ADGRV1: variants seen among roughly 807,000 people sequenced by gnomAD.
ADGRV1 encodes the protein adhesion G protein-coupled receptor V1, also known as G-protein coupled receptor 98.
Under a neutral mutation model 596.2 loss-of-function variants are expected in ADGRV1, and 359 were observed. That is an observed-to-expected ratio of 0.60 (90% CI 0.55 to 0.66). The LOEUF (loss-of-function observed/expected upper bound fraction) is 0.66. Among genes scored for constraint, ADGRV1 ranks in the 30% least tolerant of loss-of-function variants. The pLI, the probability that ADGRV1 is intolerant of heterozygous loss-of-function variation, is 0.00. For missense variants in ADGRV1, 7,274 were observed against 7,575.6 expected (o/e 0.96, Z 1.48); for synonymous variants, 2,681 against 2,679.2 (o/e 1.00, Z -0.02).
intron 84 of ADGRV1, among the ~76,000 whole-genome samples, chr5:90,974,831 A>C (rs1160150801): frequency 6.6e-6 from 1 of 152,246 alleles, no homozygotes; most frequent in Non-Finnish European, 1.5e-5. Context: ...AATGGCAACC[A>C]AAGCCGAAAT....
chr5:90,619,138 T>C lies in ADGRV1; in HGVS notation c.410T>C (p.Ile137Thr). The change falls in exon 4 of 90, where the codon ATA becomes ACA. Residue 137 changes from isoleucine to threonine, a missense_variant. By Grantham distance (89) the Ile-to-Thr change is moderately conservative (BLOSUM62 -1). Coordinates refer to ENST00000405460, the MANE Select transcript of ADGRV1 (RefSeq NM_032119.4). ...LGWPRTVTVT[I>T]LSNDNAFGII... is the part of the protein sequence containing the mutation. ...TGGCCAAGGACTGTTACTGTGACAA[T>C]ATTATCAAATGACAATGCATTTGGA... 6 of 1,506,842 alleles carry C rather than the reference T, an allele frequency of 4.0e-6. No individual in the cohort carries two copies. Among genetic ancestry groups the C allele is most frequent in the Non-Finnish European group, 5.3e-6 (6 of 1,123,268 alleles). 93.3% of individuals were successfully genotyped at this position (1,506,842 alleles called of 1,614,324 possible).
chr5:90,913,417 A>G (rs1185387634), intron 83 of ADGRV1, among the ~76,000 whole-genome samples: 1 of 152,178 alleles, frequency 6.6e-6, no homozygotes, highest in Non-Finnish European at 1.5e-5. Flanking sequence ...GGGAAGTCTT[A>G]TTTTTATAAT....
At chr5:90,670,725 C>T (rs1044401793) in intron 21 of ADGRV1, among the ~76,000 whole-genome samples, 3 of 152,114 alleles carry the variant, frequency 2.0e-5, no homozygotes, top group Non-Finnish European at 4.4e-5. Flanking sequence ...AATGTCCAAA[C>T]AGCAAGCAGC....
intron 48 of ADGRV1, 36 bp from the exon 49 acceptor site, chr5:90,728,633 G>T: frequency 6.4e-7 from 1 of 1,562,860 alleles, no homozygotes; most frequent in Non-Finnish European, 8.7e-7. Context: ...TAAATTCCTA[G>T]TCATAAAGGG....
intron 11 of ADGRV1, 90 bp downstream of exon 11, chr5:90,638,038 A>G (rs1554067583): frequency 2.2e-6 from 2 of 917,838 alleles, no homozygotes; most frequent in African/African-American, 1.7e-5. Context: ...TTTTTTCTAT[A>G]TAAAGTAAAA....
chr5:90,573,852 G>A (rs956444040), intron 1 of ADGRV1, among the ~76,000 whole-genome samples: 4 of 152,164 alleles, frequency 2.6e-5, no homozygotes, highest in Admixed American at 6.5e-5. Context: ...GTGTGTGCAC[G>A]TGTGCATGTG....
At chr5:90,681,726 A>AT (rs2149575973) in intron 27 of ADGRV1, among the ~76,000 whole-genome samples, 2 of 152,236 alleles carry the variant, frequency 1.3e-5, no homozygotes, top group South Asian at 4.1e-4. Context: ...TCTTACATAG[A>AT]TTTTTGTGTT....
intron 76 of ADGRV1, among the ~76,000 whole-genome samples, chr5:90,825,262 C>T (rs1016646479): frequency 2.0e-5 from 3 of 152,082 alleles, no homozygotes; most frequent in Non-Finnish European, 4.4e-5. Context: ...TATAGCTTTC[C>T]GTTAATCAAA....
intron 85 of ADGRV1, among the ~76,000 whole-genome samples, chr5:91,011,789 T>C (rs1372114037): frequency 1.3e-5 from 2 of 151,948 alleles, no homozygotes; most frequent in African/African-American, 4.8e-5. Flanking sequence ...AGAAATGGTT[T>C]CGTGGTTAAT....
chr5:91,031,159 A>G, intron 85 of ADGRV1: 2 of 1,418,616 alleles, frequency 1.4e-6, no homozygotes, highest in South Asian at 2.4e-5. Flanking sequence ...TATTAGAAAA[A>G]TAATTGTCCA....
At chr5:90,615,180 G>A (rs1300398106) in intron 2 of ADGRV1, among the ~76,000 whole-genome samples, 161 bp downstream of exon 2, 2 of 151,636 alleles carry the variant, frequency 1.3e-5, no homozygotes, top group African/African-American at 2.4e-5. Flanking sequence ...TCTCTTACAG[G>A]TTTATAGAGT....
In ADGRV1 at chr5:90,622,650, T is replaced by C. The variant is rs1238359407; in HGVS notation, c.507T>C (p.Leu169=). 1 of 1,551,850 alleles carries C rather than the reference T, an allele frequency of 6.4e-7. No individual in the cohort carries two copies. The highest frequency in any genetic ancestry group is 1.8e-5 in the Admixed American group (1 of 55,272). The change falls in exon 5 of 90, where the codon CTT becomes CTC. Residue 169 remains leucine, a synonymous_variant. Coordinates refer to ENST00000405460, the MANE Select transcript of ADGRV1 (RefSeq NM_032119.4). ...AGGGCAGAAATGAGTCTATGCCTCT[T>C]ACTCTCATCAGGGAAAAGGGAACCT... The part of the protein sequence containing the change: ...EPKGRNESMP[L]TLIREKGTYG...
chr5:90,619,996 A>T (rs1253373630), intron 4 of ADGRV1, among the ~76,000 whole-genome samples: 1 of 151,886 alleles, frequency 6.6e-6, no homozygotes, highest in African/African-American at 2.4e-5. Context: ...AATCCAGTCT[A>T]TCATTGTTGG....
intron 72 of ADGRV1, 78 bp downstream of exon 72, chr5:90,805,536 C>A: frequency 8.3e-7 from 1 of 1,211,086 alleles, no homozygotes; most frequent in Non-Finnish European, 1.1e-6. Context: ...CTTGGGTTAT[C>A]CTTATTCTGG....
intron 59 of ADGRV1, among the ~76,000 whole-genome samples, chr5:90,770,245 A>G (rs1226013958): frequency 2.6e-5 from 4 of 152,024 alleles, no homozygotes; most frequent in Non-Finnish European, 5.9e-5. Context: ...GGTCCTTTAT[A>G]AAACCATCAA....
chr5:90,765,925 T>C (rs1757071042), intron 59 of ADGRV1, among the ~76,000 whole-genome samples: 1 of 151,706 alleles, frequency 6.6e-6, no homozygotes, highest in South Asian at 2.1e-4. Context: ...TAATTAGTTT[T>C]TTGAGACAGA....
intron 39 of ADGRV1, among the ~76,000 whole-genome samples, chr5:90,709,808 A>G (rs980368119): frequency 1.3e-5 from 2 of 152,236 alleles, no homozygotes; most frequent in African/African-American, 2.4e-5. Context: ...TCACACTAAG[A>G]CAACTAACAA....
intron 86 of ADGRV1, among the ~76,000 whole-genome samples, chr5:91,101,250 T>A (rs957983766): frequency 4.6e-5 from 7 of 152,330 alleles, no homozygotes; most frequent in African/African-American, 1.7e-4. Context: ...ACGTCTTCTG[T>A]ATGTTTGAGA....
intron 42 of ADGRV1, among the ~76,000 whole-genome samples, chr5:90,715,051 A>T (rs1019354834): frequency 2.6e-5 from 4 of 152,224 alleles, no homozygotes; most frequent in Non-Finnish European, 5.9e-5. Flanking sequence ...TCACTGTAAT[A>T]TTGAGTTTTC....
Sources: gnomAD v4.1 joint callset for allele counts (sites outside exome capture counted in the v4.1 genomes callset) on GRCh38, gnomAD v4.1.1 for gene constraint, MANE v1.5 for transcripts, NCBI Gene and HGNC (gene_info 2026-07-23, HGNC 2026-07-21) for gene names.